PDE8B: variants seen among roughly 807,000 people sequenced by gnomAD.
PDE8B encodes high affinity cAMP-specific and IBMX-insensitive 3',5'-cyclic phosphodiesterase 8B.
In PDE8B, 26 loss-of-function variants were observed where a neutral mutation model predicts 101.3. The observed-to-expected ratio is 0.26, with a 90% CI of 0.19 to 0.36. PDE8B has a LOEUF of 0.36. PDE8B is among the 10% of genes least tolerant of loss of function. PDE8B has a pLI of 1.00. For synonymous variants in PDE8B, 424 were observed against 429.3 expected (o/e 0.99, Z 0.15); for missense variants, 810 against 1,163.1 (o/e 0.70, Z 4.42).
At chr5:77,088,617 C>T in the PDE8B span, 3 of 152,148 alleles carry the variant, frequency 2.0e-5, no homozygotes, top group African/African-American at 4.8e-5. Context: ...GGAGTTTAAC[C>T]GTCCAGCGGT....
chr5:77,338,940 T>C (rs1778676569), intron 6 of PDE8B, among the ~76,000 whole-genome samples: 1 of 152,210 alleles, frequency 6.6e-6, no homozygotes, highest in Admixed American at 6.5e-5. Context: ...GGAGATGCCC[T>C]AATACAGATT....
At chr5:77,128,878 A>AGGACCAAACCATG in the PDE8B span, among the ~76,000 whole-genome samples, 12 of 152,186 alleles carry the variant, frequency 7.9e-5, no homozygotes, top group Non-Finnish European at 1.8e-4. Context: ...GTTTGGTTTG[A>AGGACCAAACCATG]GTCTGAGGAC....
intron 5 of PDE8B, among the ~76,000 whole-genome samples, chr5:77,334,932 G>T (rs530936272): frequency 6.2e-4 from 95 of 152,274 alleles, no homozygotes; most frequent in Middle Eastern, 3.4e-3. Context: ...TCTCACACCT[G>T]AGAATCCACA....
At position 77,421,814 on chromosome 5, in the gene PDE8B, T is replaced by C. The variant is rs763692945; in HGVS notation, c.2251-7T>C. ...AACCAAGCCTGATCTGACCATCTGTTTTCCAGATTGAAGGCAGCGACTGTG... is the reference window on the plus strand; with the variant it reads ...AACCAAGCCTGATCTGACCATCTGTCTTCCAGATTGAAGGCAGCGACTGTG... On this transcript the variant is annotated splice_polypyrimidine_tract_variant and splice_region_variant and intron_variant, in intron 19 of 21. Transcript: ENST00000264917. 3 of 1,613,866 alleles carry C rather than the reference T, an allele frequency of 1.9e-6. No individual in the cohort carries two copies. In the South Asian group the frequency reaches 3.3e-5, roughly 18 times the overall value.
the PDE8B span, among the ~76,000 whole-genome samples, chr5:77,168,388 G>A: frequency 6.6e-6 from 1 of 152,194 alleles, no homozygotes; most frequent in East Asian, 1.9e-4. Flanking sequence ...ACAGAGCCTC[G>A]GCTGCCGTCT....
At chr5:77,296,739 C>G (rs917849922) in intron 1 of PDE8B, among the ~76,000 whole-genome samples, 3 of 152,186 alleles carry the variant, frequency 2.0e-5, no homozygotes, top group African/African-American at 7.2e-5. Context: ...AATAGATACT[C>G]TAAGTTAGGG....
In PDE8B at chr5:77,211,070, G is replaced by A; in HGVS notation, c.145G>A (p.Ala49Thr). ...PLPGLFVQTDAADAIPPSRAS... is the reference protein window; with the variant it reads ...PLPGLFVQTDTADAIPPSRAS... ...GCCCGGCCTCTTCGTCCAGACCGACGCCGCCGACGCCATCCCCCCGAGCCG... is the reference window on the plus strand; with the variant it reads ...GCCCGGCCTCTTCGTCCAGACCGACACCGCCGACGCCATCCCCCCGAGCCG... The change falls in exon 1 of 22, where the codon GCC becomes ACC. Residue 49 changes from alanine (A) to threonine (T), a missense_variant. By Grantham distance (58) the Ala-to-Thr change is moderately conservative. Transcript: ENST00000264917. The surrounding 1 kb of genome is among the most constrained non-coding windows in gnomAD (Gnocchi z 4.1). 2 of 1,508,010 alleles carry A rather than the reference G, an allele frequency of 1.3e-6. No individual in the cohort carries two copies. The highest frequency in any genetic ancestry group is 8.8e-7 in the Non-Finnish European group (1 of 1,136,636). The allele number at this position is 1,508,010 out of a possible 1,614,324, so 93.4% of individuals were successfully genotyped here.
At chr5:77,142,017 A>G in the PDE8B span, 4 of 152,358 alleles carry the variant, frequency 2.6e-5, no homozygotes, top group African/African-American at 9.6e-5. Context: ...GATTCATGGA[A>G]TAAAATGTGC....
In PDE8B at chr5:77,211,224, G is replaced by A; in HGVS notation, c.299G>A (p.Ser100Asn). ...SRGRRRHCCS[S>N]AEAETQTCYT... Reference sequence around the variant, plus strand: ...GGCCGGAGGCGCCACTGCTGCAGCAGCGCCGAGGCCGAGACTCAGACCTGC... The same window carrying A: ...GGCCGGAGGCGCCACTGCTGCAGCAACGCCGAGGCCGAGACTCAGACCTGC... Residue 100 changes from serine to asparagine, a missense_variant, in exon 1 of 22, where the codon AGC becomes AAC. Coordinates refer to ENST00000264917, the MANE Select transcript of PDE8B (RefSeq NM_003719.5). This position sits in a 1 kb window ranked among gnomAD's most constrained non-coding sequence, Gnocchi z 4.1. 1 of 1,573,566 alleles carries A rather than the reference G, an allele frequency of 6.4e-7. No homozygotes were observed. Among genetic ancestry groups the A allele is most frequent in the Non-Finnish European group, 8.6e-7 (1 of 1,168,180 alleles).
chr5:77,101,449 T>G, the PDE8B span, among the ~76,000 whole-genome samples: 1 of 152,164 alleles, frequency 6.6e-6, no homozygotes, highest in Non-Finnish European at 1.5e-5. Context: ...CTTGCCTGCT[T>G]GGATTTATGA....
At chr5:77,271,154 A>G (rs983873924) in intron 1 of PDE8B, among the ~76,000 whole-genome samples, 2 of 152,240 alleles carry the variant, frequency 1.3e-5, no homozygotes, top group African/African-American at 4.8e-5. Flanking sequence ...GTAAAGAAGA[A>G]TGGCAGTTTA....
At chr5:77,266,148 T>C (rs1421815213) in intron 1 of PDE8B, among the ~76,000 whole-genome samples, 4 of 152,240 alleles carry the variant, frequency 2.6e-5, no homozygotes, top group African/African-American at 9.6e-5. Flanking sequence ...AGAATTTACC[T>C]ACTTGCTAAT....
At chr5:77,219,245 C>T (rs543032191) in intron 1 of PDE8B, among the ~76,000 whole-genome samples, 23 of 152,222 alleles carry the variant, frequency 1.5e-4, no homozygotes, top group African/African-American at 4.3e-4. Context: ...CATATTGCTG[C>T]GTTTTGGGTG....
At chr5:77,228,507 G>A (rs191320079) in intron 1 of PDE8B, among the ~76,000 whole-genome samples, 3 of 152,228 alleles carry the variant, frequency 2.0e-5, no homozygotes, top group Admixed American at 2.0e-4. Flanking sequence ...GGATGTCTGA[G>A]TGTAACCCTG....
the PDE8B span, among the ~76,000 whole-genome samples, chr5:77,178,495 T>C: frequency 2.0e-5 from 3 of 152,194 alleles, no homozygotes; most frequent in Non-Finnish European, 4.4e-5. Flanking sequence ...AGACTATGAG[T>C]GTGAAATAAT....
chr5:77,185,425 A>G, the PDE8B span, among the ~76,000 whole-genome samples: 1 of 152,158 alleles, frequency 6.6e-6, no homozygotes, highest in African/African-American at 2.4e-5. Context: ...TCTATGCCCT[A>G]ATCTCTTCTT....
chr5:77,271,300 A>G (rs1762749281), intron 1 of PDE8B, among the ~76,000 whole-genome samples: 1 of 152,202 alleles, frequency 6.6e-6, no homozygotes, highest in Non-Finnish European at 1.5e-5. Context: ...GACCACCTCC[A>G]GCTGAAGTCT....
intron 2 of PDE8B, among the ~76,000 whole-genome samples, chr5:77,316,593 A>G (rs1412023777): frequency 6.6e-6 from 1 of 152,108 alleles, no homozygotes; most frequent in Non-Finnish European, 1.5e-5. Context: ...TCACCATACT[A>G]TCTTTCTGTC....
chr5:77,327,326 T>C (rs1776232541), intron 3 of PDE8B, among the ~76,000 whole-genome samples: 1 of 152,134 alleles, frequency 6.6e-6, no homozygotes, highest in African/African-American at 2.4e-5. Context: ...TCTCTTACCA[T>C]ACCGGTTCCT....
Sources: allele counts gnomAD v4.1 joint callset (sites outside exome capture counted in the v4.1 genomes callset), GRCh38; gene constraint gnomAD v4.1.1; non-coding constraint Gnocchi (gnomAD v3.1); transcripts MANE v1.5; gene names NCBI Gene and HGNC (gene_info 2026-07-23, HGNC 2026-07-21).